Variants in KCNAB1 observed in about 807,000 individuals in gnomAD.
KCNAB1 encodes potassium voltage-gated channel subfamily A regulatory beta subunit 1, also known as voltage-gated potassium channel subunit beta-1.
Under a neutral mutation model 64.6 loss-of-function variants are expected in KCNAB1, and 35 were observed. That is an observed-to-expected ratio of 0.54 (90% confidence interval 0.41 to 0.72). The LOEUF (loss-of-function observed/expected upper bound fraction) is 0.72, where lower values mean the gene tolerates loss of function less well. Among genes scored for constraint, KCNAB1 ranks in the 30% least tolerant of loss-of-function variants. The pLI, the probability that KCNAB1 is intolerant of heterozygous loss-of-function variation, is 0.00. For missense variants in KCNAB1, 401 were observed against 512.9 expected (o/e 0.78, Z 2.11); for synonymous variants, 177 against 183.8 (o/e 0.96, Z 0.30).
At chr3:156,298,178 G>A (rs1343566350) in intron 1 of KCNAB1, among the ~76,000 whole-genome samples, 1 of 152,206 alleles carries the variant, frequency 6.6e-6, no homozygotes, top group Admixed American at 6.5e-5. Context: ...GGGATGGTGA[G>A]AAAATGGTAG....
chr3:156,511,173 G>A (rs1283715987), intron 8 of KCNAB1, among the ~76,000 whole-genome samples: 2 of 151,756 alleles, frequency 1.3e-5, no homozygotes, highest in Non-Finnish European at 2.9e-5. Flanking sequence ...GCGTGATCTC[G>A]GCTTACTGCG....
Position 156,313,959 on chromosome 3 carries a change from A to G in KCNAB1, c.276-107657A>G, listed in dbSNP as rs556107486. Among the ~76,000 whole-genome samples the G allele has an allele frequency of 2.0e-5, 3 of 152,310 alleles. No homozygotes were observed. The East Asian group carries it at 5.8e-4, about 29-fold the overall frequency. ...TTTAAGCTCAAAGCCCCCCTTTTCC[A>G]TGTAGCCTTCTTTCCCCATCTGGTT... On this transcript the variant is annotated intron_variant, in intron 1 of 13. Coordinates refer to ENST00000490337, the MANE Select transcript of KCNAB1 (RefSeq NM_172160.3).
chr3:156,430,509 A>G (rs1470746960), intron 2 of KCNAB1, among the ~76,000 whole-genome samples: 3 of 152,232 alleles, frequency 2.0e-5, no homozygotes, highest in African/African-American at 7.2e-5. Flanking sequence ...GCTGAAATTC[A>G]TCATTTATAA....
rs78611600 is a variant in KCNAB1 at position 156,260,146 on chromosome 3, T to G, written c.275+139260T>G. Among the ~76,000 whole-genome samples, 119 of 152,330 alleles carry G rather than the reference T, an allele frequency of 7.8e-4. 4 individuals carry two copies. The East Asian group carries it at 0.022, about 28-fold the overall frequency. ...GACCTCTTTCTACAGCAGCTTGTAA[T>G]GAAGTCTGCATTCAGACCTCCAACC... On this transcript the variant is annotated intron_variant, in intron 1 of 13. Transcript: ENST00000490337.
chr3:156,469,611 T>A (rs942691833), intron 7 of KCNAB1, among the ~76,000 whole-genome samples: 1 of 152,208 alleles, frequency 6.6e-6, no homozygotes, highest in African/African-American at 2.4e-5. Flanking sequence ...TCTCTGAGGA[T>A]GGATAAACCA....
chr3:156,474,017 C>T (rs553132835), intron 7 of KCNAB1, among the ~76,000 whole-genome samples: 245 of 152,178 alleles, frequency 1.6e-3, no homozygotes, highest in African/African-American at 5.5e-3. Context: ...GAAACATAGG[C>T]GGTTGGTTCC....
intron 2 of KCNAB1, among the ~76,000 whole-genome samples, chr3:156,430,974 T>C (rs1161059860): frequency 6.6e-6 from 1 of 152,076 alleles, no homozygotes; most frequent in Non-Finnish European, 1.5e-5. Flanking sequence ...AGAGTTAGGG[T>C]AGACAATGAC....
At chr3:156,303,548 A>G (rs185582256) in intron 1 of KCNAB1, among the ~76,000 whole-genome samples, 51 of 152,276 alleles carry the variant, frequency 3.3e-4, no homozygotes, top group African/African-American at 1.1e-3. Context: ...ACCCTGACCT[A>G]TAGTCTGGGA....
intron 1 of KCNAB1, among the ~76,000 whole-genome samples, chr3:156,211,377 A>C (rs1271348239): frequency 6.6e-6 from 1 of 152,238 alleles, no homozygotes; most frequent in African/African-American, 2.4e-5. Context: ...GTAATATGCA[A>C]ACATGCATTA....
At chr3:156,492,589 A>G (rs1014247437) in intron 8 of KCNAB1, among the ~76,000 whole-genome samples, 2 of 152,248 alleles carry the variant, frequency 1.3e-5, no homozygotes, top group Admixed American at 1.3e-4. Flanking sequence ...CAGCTTCTGT[A>G]TGACTACAAC....
At chr3:156,170,679 G>T (rs553966828) in intron 1 of KCNAB1, among the ~76,000 whole-genome samples, 1 of 152,122 alleles carries the variant, frequency 6.6e-6, no homozygotes, top group South Asian at 2.1e-4. Flanking sequence ...CCTCTCCTTG[G>T]TTTCCAACAT....
At chr3:156,422,114 G>A (rs1715503579) in intron 2 of KCNAB1, among the ~76,000 whole-genome samples, 2 of 152,054 alleles carry the variant, frequency 1.3e-5, no homozygotes, top group Admixed American at 6.5e-5. Context: ...ATTTGGGGGG[G>A]CAAGGTGAGA....
intron 1 of KCNAB1, among the ~76,000 whole-genome samples, chr3:156,240,491 C>T (rs1717098472): frequency 6.6e-6 from 1 of 152,142 alleles, no homozygotes; most frequent in African/African-American, 2.4e-5. Flanking sequence ...TCCACAGAGA[C>T]AACCACTTTT....
chr3:156,523,656 G>A lies in KCNAB1; in HGVS notation c.961-171G>A, dbSNP rs777243410. The stretch of plus-strand genomic sequence containing the variant: ...TCTGTTTTGAACCAATAAACAAGGA[G>A]CAAGATCGTGAGGAACATTTCTTTG... On this transcript the variant is annotated intron_variant, in intron 11 of 13. Transcript: ENST00000490337. 90 of 653,690 alleles carry A rather than the reference G, an allele frequency of 1.4e-4. 1 individual carries two copies. Among genetic ancestry groups the A allele is most frequent in the Middle Eastern group, 6.9e-4 (2 of 2,892 alleles). 40.5% of individuals were successfully genotyped at this position (653,690 alleles called of 1,614,324 possible).
At chr3:156,348,772 T>A (rs1309461887) in intron 1 of KCNAB1, among the ~76,000 whole-genome samples, 1 of 152,198 alleles carries the variant, frequency 6.6e-6, no homozygotes, top group Non-Finnish European at 1.5e-5. Flanking sequence ...TATCTAGGAC[T>A]GAGGCCTGGT....
At chr3:156,209,012 G>C (rs1714845697) in intron 1 of KCNAB1, among the ~76,000 whole-genome samples, 1 of 152,222 alleles carries the variant, frequency 6.6e-6, no homozygotes, top group Non-Finnish European at 1.5e-5. Flanking sequence ...TAAAAATCCA[G>C]GGTTATTCAT....
At chr3:156,187,612 G>T (rs955185547) in intron 1 of KCNAB1, among the ~76,000 whole-genome samples, 1 of 152,148 alleles carries the variant, frequency 6.6e-6, no homozygotes, top group African/African-American at 2.4e-5. Flanking sequence ...TGCCCTCTGT[G>T]CATCTGGCAA....
At chr3:156,444,283 A>T (rs1717242632) in intron 2 of KCNAB1, among the ~76,000 whole-genome samples, 1 of 152,206 alleles carries the variant, frequency 6.6e-6, no homozygotes, top group South Asian at 2.1e-4. Flanking sequence ...ATCACATGGG[A>T]TGCTTGATAA....
intron 1 of KCNAB1, among the ~76,000 whole-genome samples, chr3:156,387,014 C>CTCTCTTTTTTTTTTTT (rs60888308): frequency 1.8e-4 from 16 of 90,524 alleles, no homozygotes; most frequent in African/African-American, 7.6e-4. Context: ...TTCTCTCTCT[C>CTCTCTTTTTTTTTTTT]TTTTTTTTTT....
Sources: gnomAD v4.1 joint callset for allele counts (sites outside exome capture counted in the v4.1 genomes callset) on GRCh38, gnomAD v4.1.1 for gene constraint, MANE v1.5 for transcripts, NCBI Gene and HGNC (gene_info 2026-07-23, HGNC 2026-07-21) for gene names.